Variants in VTI1A observed in about 807,000 individuals in gnomAD.
The protein encoded by VTI1A is vesicle transport through interaction with t-SNAREs 1A, also known as vesicle transport through interaction with t-SNAREs homolog 1A.
Under a neutral mutation model 34.9 loss-of-function variants are expected in VTI1A, and 22 were observed. The ratio of observed to expected loss-of-function variants is 0.63; its 90% confidence interval spans 0.45 to 0.90. The LOEUF is 0.90. Ranked by LOEUF, VTI1A falls within the 40% of genes least tolerant of loss-of-function variation. The probability of loss-of-function intolerance (pLI) is 0.00; values close to 1 mark genes in which losing one functional copy is unlikely to be tolerated. For missense variants in VTI1A, 268 were observed against 275.6 expected (o/e 0.97, Z 0.20); for synonymous variants, 87 against 97.3 (o/e 0.89, Z 0.62).
intron 7 of VTI1A, among the ~76,000 whole-genome samples, chr10:112,796,308 AG>A (rs1852671203): frequency 6.6e-6 from 1 of 151,712 alleles, no homozygotes; most frequent in Admixed American, 6.6e-5. Context: ...CGGGAGGCTG[AG>A]GCAGGAGAAT....
rs562098537 is a variant in VTI1A, at chr10:112,607,772, G to GA, written c.428-60442dup. ...TCATCAGCACACTTGACTGGGGCTG[G>GA]AAAATCTGTTTTTAAGCTCACTCAA... On this transcript the variant is annotated intron_variant, in intron 5 of 7. Transcript: ENST00000393077. Among the ~76,000 whole-genome samples, 169 of 152,278 alleles carry GA rather than the reference G, an allele frequency of 1.1e-3. 2 individuals carry two copies. Among genetic ancestry groups the GA allele is most frequent in the Non-Finnish European group, 2.1e-3 (143 of 68,026 alleles).
the VTI1A span, among the ~76,000 whole-genome samples, chr10:112,828,260 A>G: frequency 2.7e-4 from 41 of 152,156 alleles, 1 homozygote; most frequent in Non-Finnish European, 5.9e-4. Flanking sequence ...TGGGCTTCAG[A>G]TACCTAAAGA....
chr10:112,554,186 G>A (rs1851465772), intron 5 of VTI1A, among the ~76,000 whole-genome samples: 1 of 152,142 alleles, frequency 6.6e-6, no homozygotes, highest in Admixed American at 6.6e-5. Context: ...TCTGCTGTGT[G>A]TGTTTTTATC....
intron 7 of VTI1A, among the ~76,000 whole-genome samples, chr10:112,801,329 T>C (rs189676333): frequency 5.9e-5 from 9 of 152,292 alleles, no homozygotes; most frequent in Admixed American, 4.6e-4. Context: ...ATCTAGGTCC[T>C]AATACTTAAC....
intron 7 of VTI1A, among the ~76,000 whole-genome samples, chr10:112,675,366 A>G (rs994107910): frequency 6.6e-6 from 1 of 152,166 alleles, no homozygotes; most frequent in Non-Finnish European, 1.5e-5. Flanking sequence ...CTACTGTACC[A>G]ACTATTTGTC....
intron 7 of VTI1A, among the ~76,000 whole-genome samples, chr10:112,791,188 A>G (rs947784428): frequency 3.3e-5 from 5 of 152,190 alleles, no homozygotes; most frequent in Non-Finnish European, 7.3e-5. Context: ...AAAATGCCCT[A>G]GTCATCAGGT....
chr10:112,506,637 A>G (rs1849441098), intron 3 of VTI1A, among the ~76,000 whole-genome samples: 1 of 152,182 alleles, frequency 6.6e-6, no homozygotes, highest in Admixed American at 6.5e-5. Context: ...ATGCTATGAG[A>G]TTCGTGACAT....
chr10:112,531,116 C>CGCGCGT (rs1322848302), intron 4 of VTI1A, among the ~76,000 whole-genome samples: 22 of 149,156 alleles, frequency 1.5e-4, no homozygotes, highest in African/African-American at 4.9e-4. Context: ...TGCGCACGTG[C>CGCGCGT]GCGCGCGCGC....
intron 7 of VTI1A, among the ~76,000 whole-genome samples, chr10:112,792,150 C>T (rs1374054530): frequency 4.6e-5 from 7 of 152,068 alleles, no homozygotes; most frequent in African/African-American, 1.7e-4. Flanking sequence ...TGGTGTGCAC[C>T]TATAATCCCA....
At chr10:112,741,219 G>C (rs1850682049) in intron 7 of VTI1A, among the ~76,000 whole-genome samples, 1 of 152,206 alleles carries the variant, frequency 6.6e-6, no homozygotes, top group African/African-American at 2.4e-5. Flanking sequence ...ACTTTGGGAA[G>C]CTGAGGCAGT....
At chr10:112,821,965 A>G (rs1450885951), downstream of VTI1A, among the ~76,000 whole-genome samples, 3 of 152,264 alleles carry the variant, frequency 2.0e-5, no homozygotes, top group African/African-American at 7.2e-5. Flanking sequence ...CCACCCCTAG[A>G]GAGGCCGTCC....
chr10:112,497,971 A>G (rs1849087602), intron 3 of VTI1A, among the ~76,000 whole-genome samples: 1 of 152,162 alleles, frequency 6.6e-6, no homozygotes, highest in South Asian at 2.1e-4. Flanking sequence ...TCATGCTGTT[A>G]TTTTCAGCTG....
At chr10:112,635,128 G>C (rs957604682) in intron 5 of VTI1A, among the ~76,000 whole-genome samples, 26 of 152,288 alleles carry the variant, frequency 1.7e-4, no homozygotes, top group African/African-American at 6.0e-4. Context: ...CATAATATGA[G>C]CCAGGCACTG....
intron 2 of VTI1A, among the ~76,000 whole-genome samples, chr10:112,462,822 G>T (rs1272863851): frequency 6.6e-6 from 1 of 152,206 alleles, no homozygotes; most frequent in Non-Finnish European, 1.5e-5. Flanking sequence ...GCTTTAAAAG[G>T]TAAACTACAT....
intron 5 of VTI1A, among the ~76,000 whole-genome samples, chr10:112,612,356 T>A (rs764086460): frequency 6.6e-6 from 1 of 152,180 alleles, no homozygotes; most frequent in Non-Finnish European, 1.5e-5. Context: ...CCTAGAGTGA[T>A]TTCTTTCTTG....
intron 3 of VTI1A, among the ~76,000 whole-genome samples, chr10:112,507,751 T>C (rs1849480778): frequency 1.3e-5 from 2 of 152,264 alleles, no homozygotes; most frequent in Non-Finnish European, 1.5e-5. Context: ...GGAAAAAGCA[T>C]TGGCTGGTTG....
At chr10:112,814,205 C>G (rs1478157742) in intron 7 of VTI1A, among the ~76,000 whole-genome samples, 1 of 152,170 alleles carries the variant, frequency 6.6e-6, no homozygotes, top group Non-Finnish European at 1.5e-5. Flanking sequence ...CTTCATCTCC[C>G]CAGCTCCTCC....
At chr10:112,681,038 TCTTAC>T (rs1203778362) in intron 7 of VTI1A, among the ~76,000 whole-genome samples, 1 of 151,954 alleles carries the variant, frequency 6.6e-6, no homozygotes, top group Non-Finnish European at 1.5e-5. Context: ...AAAGCTTCAA[TCTTAC>T]CTTAAACTGT....
At chr10:112,584,029 CA>C (rs549030451) in intron 5 of VTI1A, among the ~76,000 whole-genome samples, 1,538 of 152,240 alleles carry the variant, frequency 0.01, 17 homozygotes, top group Non-Finnish European at 0.016. Flanking sequence ...CACATTGTGT[CA>C]AAGTTCAGAT....
Sources: allele counts gnomAD v4.1 joint callset (sites outside exome capture counted in the v4.1 genomes callset), GRCh38; gene constraint gnomAD v4.1.1; transcripts MANE v1.5; gene names NCBI Gene and HGNC (gene_info 2026-07-23, HGNC 2026-07-21).